Variants in MTA1 observed in about 807,000 individuals in gnomAD.
The protein encoded by MTA1 is metastasis associated 1.
In MTA1, 15 loss-of-function variants were observed where a neutral mutation model predicts 97.0. The ratio of observed to expected loss-of-function variants is 0.15; its 90% CI spans 0.10 to 0.24. MTA1 has a LOEUF of 0.24. Among genes scored for constraint, MTA1 ranks in the 10% least tolerant of loss-of-function variants. MTA1 has a pLI of 1.00. For synonymous variants in MTA1, 435 were observed against 417.5 expected, an observed-to-expected ratio of 1.04 and a Z score of -0.51; for missense variants, 709 against 1,015.1, an observed-to-expected ratio of 0.70 and a Z score of 4.10.
chr14:105,456,812 AGGC>A (rs1595384565), intron 7 of MTA1, among the ~76,000 whole-genome samples: 1 of 152,178 alleles, frequency 6.6e-6, no homozygotes, highest in East Asian at 1.9e-4. Context: ...AGTCCACACC[AGGC>A]TGAAGACCCC....
chr14:105,445,536 C>T, intron 3 of MTA1, 25 bp downstream of exon 3: 1 of 1,611,626 alleles, frequency 6.2e-7, no homozygotes, highest in Non-Finnish European at 8.5e-7. Flanking sequence ...CCCTGGGGTG[C>T]CCGCCTGGCG....
intron 18 of MTA1, chr14:105,467,934 C>T (rs1414954257): frequency 3.8e-6 from 1 of 264,096 alleles, no homozygotes; most frequent in African/African-American, 2.3e-5. Context: ...ATTTTCCACA[C>T]CTCACACGTG....
At chr14:105,466,382 T>G in intron 16 of MTA1, 44 bp from the exon 17 acceptor site, 1 of 1,568,228 alleles carries the variant, frequency 6.4e-7, no homozygotes, top group Non-Finnish European at 8.7e-7. Context: ...GCCCCTCCCC[T>G]GCTGGGCAGA....
At chr14:105,464,333 G>A in intron 13 of MTA1, 83 bp from the exon 14 acceptor site, 1 of 1,524,738 alleles carries the variant, frequency 6.6e-7, no homozygotes, top group Non-Finnish European at 8.9e-7. Context: ...GGTGGGGGCG[G>A]CCGGCGTGGG....
intron 1 of MTA1, among the ~76,000 whole-genome samples, chr14:105,425,581 G>A (rs587683310): frequency 7.2e-5 from 11 of 152,306 alleles, no homozygotes; most frequent in African/African-American, 2.6e-4. Flanking sequence ...ATGCCCGGCA[G>A]AGCATTTAAT....
Position 105,457,751 on chromosome 14 carries a change from C to T in MTA1, c.551-519C>T, listed in dbSNP as rs149318191. Among the ~76,000 whole-genome samples the T allele has an allele frequency of 4.7e-3, 712 of 152,236 alleles. 9 individuals carry two copies. The highest frequency in any genetic ancestry group is 0.016 in the African/African-American group (681 of 41,556). On this transcript the variant is annotated intron_variant, in intron 7 of 20. Transcript: ENST00000331320. ...GACCAGCCTGGGCAACATGGTGAAACCCCGTGTCTACTGAAAATACAAAAA... is the reference window on the plus strand; with the variant it reads ...GACCAGCCTGGGCAACATGGTGAAATCCCGTGTCTACTGAAAATACAAAAA...
intron 2 of MTA1, among the ~76,000 whole-genome samples, chr14:105,439,736 C>T (rs8021311): frequency 0.64 from 96,568 of 151,982 alleles, 34,537 homozygotes; most frequent in Non-Finnish European, 0.81. Context: ...CCTGAGCCCC[C>T]GATCCCCTGG....
chr14:105,444,044 CA>C (rs2082630709), intron 2 of MTA1, among the ~76,000 whole-genome samples: 1 of 149,918 alleles, frequency 6.7e-6, no homozygotes, highest in African/African-American at 2.5e-5. Context: ...GCTGAGATCG[CA>C]CCACTGCCCT....
chr14:105,466,493 G>T lies in MTA1; in HGVS notation c.1692G>T (p.Thr564=). The part of the protein sequence containing the change: ...KSVSSVLSSL[T]PAKVAPVINN... Reference sequence around the variant, plus strand: ...TGTCCAGCGTGCTCAGCAGCCTGACGCCCGCCAAGGTGGCCCCCGTCATCA... The same window carrying T: ...TGTCCAGCGTGCTCAGCAGCCTGACTCCCGCCAAGGTGGCCCCCGTCATCA... The change falls in exon 17 of 21, where the codon ACG becomes ACT. Residue 564 remains threonine (T), a synonymous_variant. Transcript: ENST00000331320. The T allele has an allele frequency of 6.4e-7, 1 of 1,557,880 alleles. No individual in the cohort carries two copies. Among genetic ancestry groups the T allele is most frequent in the South Asian group, 1.1e-5 (1 of 88,176 alleles).
intron 2 of MTA1, among the ~76,000 whole-genome samples, chr14:105,444,531 CT>C (rs1220695383): frequency 1.3e-5 from 2 of 152,054 alleles, no homozygotes; most frequent in Non-Finnish European, 2.9e-5. Context: ...CTGTTTACAC[CT>C]GTAATCCCAG....
chr14:105,423,903 G>A (rs898726015), intron 1 of MTA1, among the ~76,000 whole-genome samples: 1 of 152,226 alleles, frequency 6.6e-6, no homozygotes, highest in Admixed American at 6.5e-5. Context: ...TGAGTGCACC[G>A]TGTCCCTAGG....
intron 6 of MTA1, among the ~76,000 whole-genome samples, chr14:105,451,558 C>G (rs1235627998): frequency 6.6e-6 from 1 of 152,160 alleles, no homozygotes. Context: ...CAGAGCCACA[C>G]AGAGAGGGTG....
intron 2 of MTA1, among the ~76,000 whole-genome samples, chr14:105,439,409 G>A (rs1238744734): frequency 6.6e-6 from 1 of 152,188 alleles, no homozygotes; most frequent in East Asian, 1.9e-4. Flanking sequence ...CCTGGGGGGT[G>A]GTGACACATG....
At chr14:105,445,026 T>C (rs947658697) in intron 2 of MTA1, among the ~76,000 whole-genome samples, 2 of 152,136 alleles carry the variant, frequency 1.3e-5, no homozygotes, top group Non-Finnish European at 2.9e-5. Context: ...GCTAGGGCCG[T>C]GGCTGCTGTG....
chr14:105,470,033 G>A (rs201781395), intron 20 of MTA1, 32 bp from the exon 21 acceptor site: 171 of 1,612,558 alleles, frequency 1.1e-4, no homozygotes, highest in African/African-American at 7.5e-4. Flanking sequence ...TCCGCACAGC[G>A]TCCCGGCCCT....
At chr14:105,442,322 T>G (rs1303811121) in intron 2 of MTA1, among the ~76,000 whole-genome samples, 2 of 152,060 alleles carry the variant, frequency 1.3e-5, no homozygotes, top group Non-Finnish European at 2.9e-5. Context: ...GGCCTTGGAG[T>G]GCACTCCTCC....
chr14:105,452,006 G>T (rs2082962790), intron 6 of MTA1, among the ~76,000 whole-genome samples: 1 of 152,108 alleles, frequency 6.6e-6, no homozygotes, highest in South Asian at 2.1e-4. Flanking sequence ...TAGCCGGGCT[G>T]GTCTCAAACT....
At chr14:105,465,729 C>T (rs1555432608) in intron 16 of MTA1, 2 of 152,594 alleles carry the variant, frequency 1.3e-5, no homozygotes, top group African/African-American at 4.8e-5. Flanking sequence ...ACCCGAGAAC[C>T]TCAGCCGGCT....
chr14:105,460,139 G>A (rs1365264194), intron 8 of MTA1, among the ~76,000 whole-genome samples: 5 of 102,680 alleles, frequency 4.9e-5, no homozygotes, highest in East Asian at 3.1e-4. Flanking sequence ...GGGGAAGTCC[G>A]TGCTGCCCAT....
Sources: gnomAD v4.1 joint callset for allele counts (sites outside exome capture counted in the v4.1 genomes callset) on GRCh38, gnomAD v4.1.1 for gene constraint, MANE v1.5 for transcripts, NCBI Gene and HGNC (gene_info 2026-07-23, HGNC 2026-07-21) for gene names.